The following KLK8 variants were observed in gnomAD, a reference collection of about 807,000 sequenced individuals.
KLK8 encodes kallikrein related peptidase 8.
In KLK8, 18 loss-of-function variants were observed where a neutral mutation model predicts 26.7. The ratio of observed to expected loss-of-function variants is 0.67; its 90% CI spans 0.47 to 1.00. The LOEUF (loss-of-function observed/expected upper bound fraction) is 1.00, where lower values mean the gene tolerates loss of function less well. Among genes scored for constraint, KLK8 ranks in the 50% least tolerant of loss-of-function variants. The probability of loss-of-function intolerance (pLI) is 0.00; values close to 1 mark genes in which losing one functional copy is unlikely to be tolerated. For synonymous variants in KLK8, 137 were observed against 127.1 expected (o/e 1.08, Z -0.52); for missense variants, 301 against 331.7 (o/e 0.91, Z 0.72).
chr19:51,000,461 C>G, exon 4 of KLK8: 1 of 1,613,194 alleles, frequency 6.2e-7, no homozygotes, highest in Non-Finnish European at 8.5e-7. Context: ...ACCCAGTTGC[C>G]ACCTACAAGG....
At chr19:51,000,167 A>G (rs767091435) in exon 5 of KLK8, 3 of 1,613,622 alleles carry the variant, frequency 1.9e-6, no homozygotes, top group Non-Finnish European at 1.7e-6. Flanking sequence ...CTGTTGTAGC[A>G]GGGGTGTGGG....
exon 5 of KLK8, chr19:51,000,003 A>G (rs2091206246): frequency 6.3e-7 from 1 of 1,593,870 alleles, no homozygotes; most frequent in African/African-American, 1.3e-5. Flanking sequence ...TACCTCGGGG[A>G]CTGGTGACAG....
chr19:50,998,561 T>C (rs1173191398), intron 5 of KLK8, among the ~76,000 whole-genome samples: 1 of 152,214 alleles, frequency 6.6e-6, no homozygotes, highest in Non-Finnish European at 1.5e-5. Context: ...TGATCTTTTT[T>C]ATTAACCTCT....
chr19:51,001,135 C>G, exon 3 of KLK8: 3 of 1,613,536 alleles, frequency 1.9e-6, no homozygotes, highest in Non-Finnish European at 2.5e-6. Context: ...GGAACATCCA[C>G]GTCTTGGCCG....
intron 6 of KLK8, among the ~76,000 whole-genome samples, 174 bp downstream of exon 5, chr19:50,997,575 CAG>C (rs377542106): frequency 4.6e-5 from 7 of 152,096 alleles, no homozygotes; most frequent in African/African-American, 1.7e-4. Context: ...GTGTGACTTT[CAG>C]AGAGAGAGTT....
Position 50,999,995 on chromosome 19 carries a change from C to T in KLK8, c.493+1G>A, listed in dbSNP as rs771326783. 1.9e-6 allele frequency: 3 copies of T among 1,591,098 alleles called. No individual in the cohort carries two copies. The East Asian group carries it at 6.8e-5, about 36-fold the overall frequency. ...CTCCCATTAGTGGACAAGCCCACTA[C>T]CTCGGGGACTGGTGACAGTGCCCCA... On this transcript the variant is annotated splice_donor_variant, in intron 5 of 6. Coordinates refer to ENST00000600767, the Ensembl canonical transcript of KLK8. LOFTEE classifies it high-confidence loss of function.
intron 5 of KLK8, among the ~76,000 whole-genome samples, 153 bp downstream of exon 4, chr19:50,999,843 G>C (rs564172159): frequency 6.6e-6 from 1 of 152,024 alleles, no homozygotes; most frequent in African/African-American, 2.4e-5. Flanking sequence ...AGATCTTCGA[G>C]GCTTCTCATA....
chr19:50,999,815 C>G (rs2091204386), intron 5 of KLK8, among the ~76,000 whole-genome samples, 181 bp downstream of exon 4: 1 of 151,956 alleles, frequency 6.6e-6, no homozygotes, highest in African/African-American at 2.4e-5. Flanking sequence ...CTTTCTCTCA[C>G]CACTCTTGTT....
At position 50,997,757 on chromosome 19, in the gene KLK8, C is replaced by T. The variant is rs770292828; in HGVS notation, c.621G>A (p.Thr207=). 2.5e-6 allele frequency: 4 copies of T among 1,613,862 alleles called. No individual in the cohort carries two copies. In the African/African-American group the frequency reaches 4.0e-5, roughly 16 times the overall value. ...GATTTCAGAAATTGCTCACCTGGCA[C>T]GTGTCAGCCCCTTTGCTGCTGCCTG... is the stretch of plus-strand genomic sequence containing the variant. The change falls in exon 6 of 7, where the codon ACG becomes ACA. Residue 207 remains threonine, a synonymous_variant. Coordinates refer to ENST00000600767, the Ensembl canonical transcript of KLK8.
At chr19:50,998,036 T>C in intron 5 of KLK8, 152 bp from the exon 5 acceptor site, 1 of 847,310 alleles carries the variant, frequency 1.2e-6, no homozygotes, top group Non-Finnish European at 1.8e-6. Flanking sequence ...GGGACATCAC[T>C]TCTCACCACA....
intron 3 of KLK8, 130 bp downstream of exon 2, chr19:51,000,968 T>C: frequency 3.2e-6 from 3 of 932,496 alleles, no homozygotes; most frequent in Non-Finnish European, 3.3e-6. Context: ...CAGAGGCTCC[T>C]GCACCGTATC....
At chr19:51,001,218 G>A (rs970715407) in intron 2 of KLK8, 43 bp from the exon 2 acceptor site, 1 of 1,552,692 alleles carries the variant, frequency 6.4e-7, no homozygotes, top group African/African-American at 1.4e-5. Flanking sequence ...GGAAGGAGGA[G>A]CCTGAGCTCC....
At chr19:50,996,237 G>A in intron 6 of KLK8, 23 bp from the exon 6 acceptor site, 11 of 1,610,394 alleles carry the variant, frequency 6.8e-6, no homozygotes, top group Non-Finnish European at 9.3e-6. Context: ...AATGAGAACA[G>A]CCTTGCATCT....
chr19:50,996,916 A>T (rs1191543747), intron 6 of KLK8, among the ~76,000 whole-genome samples: 1 of 151,248 alleles, frequency 6.6e-6, no homozygotes, highest in Non-Finnish European at 1.5e-5. Flanking sequence ...ACACACACAC[A>T]CACACACACA....
intron 4 of KLK8, 83 bp from the exon 4 acceptor site, chr19:51,000,341 T>C (rs1457299742): frequency 1.5e-5 from 23 of 1,540,542 alleles, no homozygotes; most frequent in Non-Finnish European, 2.0e-5. Context: ...AGTCCAGTCC[T>C]CAGCTCTCTC....
At position 50,996,970 on chromosome 19, in the gene KLK8, T is replaced by C. The variant is rs1354459431; in HGVS notation, c.628-756A>G. Among the ~76,000 whole-genome samples the C allele has an allele frequency of 2.7e-5, 4 of 149,550 alleles. No homozygotes were observed. The East Asian group carries it at 7.9e-4, about 29-fold the overall frequency. On this transcript the variant is annotated intron_variant, in intron 6 of 6. Transcript: ENST00000600767. ...CCCCAAGAGACCATGGCTGAAATAT[T>C]TGTGGAAGAGACCACTATCTCTACA...
At chr19:50,996,516 T>G (rs2091168901) in intron 6 of KLK8, among the ~76,000 whole-genome samples, 1 of 152,006 alleles carries the variant, frequency 6.6e-6, no homozygotes, top group African/African-American at 2.4e-5. Context: ...GTAGATCACT[T>G]GAAGTCAGGC....
At chr19:50,996,316 C>T in intron 6 of KLK8, 102 bp from the exon 6 acceptor site, 1 of 1,314,522 alleles carries the variant, frequency 7.6e-7, no homozygotes, top group East Asian at 2.3e-5. Context: ...GATTGGTCCC[C>T]TGTAGCCAAT....
At chr19:51,001,168 G>A (rs1600126644) in exon 3 of KLK8, 1 of 1,612,616 alleles carries the variant, frequency 6.2e-7, no homozygotes, top group Non-Finnish European at 8.5e-7. Flanking sequence ...GGCGTCCCAT[G>A]GTGAGGTCTG....
Sources: gnomAD v4.1 joint callset for allele counts (sites outside exome capture counted in the v4.1 genomes callset) on GRCh38, gnomAD v4.1.1 for gene constraint, MANE v1.5 for transcripts, NCBI Gene and HGNC (gene_info 2026-07-23, HGNC 2026-07-21) for gene names.